The following NSG2 variants were observed in gnomAD, a reference collection of about 807,000 sequenced individuals.
NSG2 encodes the protein neuronal vesicle trafficking associated 2, also known as neuronal vesicle trafficking-associated protein 2.
A neutral mutation model predicts 16.9 loss-of-function variants in NSG2; 4 were observed. The observed-to-expected ratio is 0.24, with a 90% CI of 0.12 to 0.54. The LOEUF is 0.54. Ranked by LOEUF, NSG2 falls within the 20% of genes least tolerant of loss-of-function variation. The pLI is 0.95. For synonymous variants in NSG2, 98 were observed against 88.7 expected, an observed-to-expected ratio of 1.11 and a Z score of -0.59; for missense variants, 179 against 221.1, an observed-to-expected ratio of 0.81 and a Z score of 1.21.
intron 3 of NSG2, chr5:174,066,167 A>G (rs751637745): frequency 4.4e-6 from 2 of 456,056 alleles, no homozygotes; most frequent in South Asian, 3.1e-5. Flanking sequence ...CCTCTTGGAG[A>G]GCAGTGGCTG....
At chr5:174,079,247 T>G (rs999628822) in intron 3 of NSG2, among the ~76,000 whole-genome samples, 5 of 148,630 alleles carry the variant, frequency 3.4e-5, no homozygotes, top group African/African-American at 1.3e-4. Context: ...TTCTCTCTCT[T>G]TCTCTCTCTC....
At chr5:174,098,893 GT>G (rs1400056303) in intron 3 of NSG2, among the ~76,000 whole-genome samples, 1 of 152,184 alleles carries the variant, frequency 6.6e-6, no homozygotes, top group Non-Finnish European at 1.5e-5. Context: ...CTAGCGAGCT[GT>G]TTATCGCGAG....
intron 2 of NSG2, among the ~76,000 whole-genome samples, chr5:174,062,003 A>C (rs1760061183): frequency 6.7e-6 from 1 of 148,450 alleles, no homozygotes; most frequent in African/African-American, 2.5e-5. Flanking sequence ...TTGATAGGCT[A>C]GGTAGGGTGA....
rs572808011 is a variant in NSG2, at chr5:174,107,018, G to A, written c.325-296G>A. 6.6e-6 allele frequency among the ~76,000 whole-genome samples: 1 copy of A among 152,330 alleles called. No individual in the cohort carries two copies. Among genetic ancestry groups the A allele is most frequent in the Admixed American group, 6.5e-5 (1 of 15,310 alleles). ...TGAATCAGCCAGATAGAGGGAGTCT[G>A]TGGGGGTCTCTACAGCATCCACTAC... On this transcript the variant is annotated intron_variant, in intron 4 of 4. Transcript: ENST00000303177. This position sits in a 1 kb window ranked among gnomAD's most constrained non-coding sequence, Gnocchi z 4.5.
chr5:174,104,432 G>C, intron 4 of NSG2, 94 bp downstream of exon 4: 3 of 872,000 alleles, frequency 3.4e-6, no homozygotes, highest in Non-Finnish European at 5.7e-6. Context: ...TTCTGGGTAT[G>C]ACGACCTCTC....
chr5:174,085,986 G>T (rs990250404), intron 3 of NSG2, among the ~76,000 whole-genome samples: 11 of 152,206 alleles, frequency 7.2e-5, no homozygotes, highest in Non-Finnish European at 1.5e-4. Context: ...TGAATATTAG[G>T]TCCTTCTCCT....
intron 3 of NSG2, among the ~76,000 whole-genome samples, chr5:174,103,646 T>C (rs1760934529): frequency 6.6e-6 from 1 of 152,058 alleles, no homozygotes; most frequent in Non-Finnish European, 1.5e-5. Context: ...GGAAATCACA[T>C]GTTAAATCAG....
At chr5:174,059,266 A>G (rs1023580647) in intron 2 of NSG2, among the ~76,000 whole-genome samples, 1 of 152,232 alleles carries the variant, frequency 6.6e-6, no homozygotes, top group Non-Finnish European at 1.5e-5. Context: ...TATGAAATTC[A>G]TCAATGTATA....
chr5:174,100,400 CAT>C (rs1760880138), intron 3 of NSG2, among the ~76,000 whole-genome samples: 1 of 152,234 alleles, frequency 6.6e-6, no homozygotes, highest in Non-Finnish European at 1.5e-5. Context: ...GGGATTCTAA[CAT>C]GTGCAGCTGC....
chr5:174,098,572 C>G (rs574259946), intron 3 of NSG2, among the ~76,000 whole-genome samples: 25 of 152,278 alleles, frequency 1.6e-4, no homozygotes, highest in African/African-American at 5.8e-4. Flanking sequence ...GGAGCCCAGT[C>G]CCCTCTCGCT....
chr5:174,084,626 T>C (rs1317939840), intron 3 of NSG2, among the ~76,000 whole-genome samples: 1 of 152,216 alleles, frequency 6.6e-6, no homozygotes, highest in East Asian at 1.9e-4. Context: ...GAAGCTCACC[T>C]CCAGCCATGT....
Position 174,107,309 on chromosome 5 carries a change from C to T in NSG2, c.325-5C>T. The stretch of plus-strand genomic sequence containing the variant: ...GACCCCTGACTCTGTCTCTTTCTTC[C>T]CCAGCACAAACGCTGTATCCCAGCC... On this transcript the variant is annotated splice_region_variant and splice_polypyrimidine_tract_variant and intron_variant, in intron 4 of 4. Transcript: ENST00000303177. This position sits in a 1 kb window ranked among gnomAD's most constrained non-coding sequence, Gnocchi z 4.5. The T allele has an allele frequency of 6.5e-7, 1 of 1,544,734 alleles. No homozygotes were observed. The highest frequency in any genetic ancestry group is 8.8e-7 in the Non-Finnish European group (1 of 1,140,494).
intron 3 of NSG2, among the ~76,000 whole-genome samples, chr5:174,084,968 C>T (rs1321467279): frequency 6.6e-6 from 1 of 152,142 alleles, no homozygotes; most frequent in African/African-American, 2.4e-5. Flanking sequence ...GCACGTCCAT[C>T]TTTTTTGGAG....
chr5:174,071,995 C>T (rs996996950), intron 3 of NSG2, among the ~76,000 whole-genome samples: 2 of 152,168 alleles, frequency 1.3e-5, no homozygotes, highest in African/African-American at 4.8e-5. Context: ...ACCCTGCTCA[C>T]GTTCCCTCCA....
intron 3 of NSG2, chr5:174,086,303 G>A (rs1722051428): frequency 6.6e-6 from 1 of 152,226 alleles, no homozygotes; most frequent in African/African-American, 2.4e-5. Flanking sequence ...AGACAGGGTT[G>A]TTGAAAGGCT....
chr5:174,066,332 T>C, intron 3 of NSG2: 1 of 445,202 alleles, frequency 2.2e-6, no homozygotes, highest in Non-Finnish European at 4.6e-6. Context: ...GGTATCTTGG[T>C]GCACCAGGCC....
intron 3 of NSG2, among the ~76,000 whole-genome samples, chr5:174,083,552 G>A (rs545739704): frequency 3.9e-5 from 6 of 152,176 alleles, no homozygotes; most frequent in Non-Finnish European, 8.8e-5. Context: ...AAGCTCAGGC[G>A]AGAACTCACC....
At chr5:174,097,348 G>T (rs1760813283) in intron 3 of NSG2, among the ~76,000 whole-genome samples, 2 of 151,994 alleles carry the variant, frequency 1.3e-5, no homozygotes, top group South Asian at 4.2e-4. Flanking sequence ...GGGTTGAGGA[G>T]AGGGAAGAGA....
chr5:174,099,470 C>T (rs889727324), intron 3 of NSG2, among the ~76,000 whole-genome samples: 3 of 152,128 alleles, frequency 2.0e-5, no homozygotes, highest in African/African-American at 7.2e-5. Context: ...TTCAGCCATC[C>T]CCCTGCAAAC....
Sources: gnomAD v4.1 joint callset for allele counts (sites outside exome capture counted in the v4.1 genomes callset) on GRCh38, gnomAD v4.1.1 for gene constraint, Gnocchi (gnomAD v3.1) non-coding constraint, MANE v1.5 for transcripts, NCBI Gene and HGNC (gene_info 2026-07-23, HGNC 2026-07-21) for gene names.